Variants in ANK2 observed in about 807,000 individuals in gnomAD.
ANK2 encodes ankyrin-2.
Under a neutral mutation model 360.5 loss-of-function variants are expected in ANK2, and 83 were observed. The observed-to-expected ratio is 0.23, with a 90% CI of 0.19 to 0.28. The LOEUF (loss-of-function observed/expected upper bound fraction) is 0.28, where lower values mean the gene tolerates loss of function less well. Ranked by LOEUF, ANK2 falls within the 10% of genes least tolerant of loss-of-function variation. The pLI is 1.00. For synonymous variants in ANK2, 1,740 were observed against 1,759.5 expected, an observed-to-expected ratio of 0.99 and a Z score of 0.28; for missense variants, 4,201 against 4,795.7, an observed-to-expected ratio of 0.88 and a Z score of 3.66.
the ANK2 span, among the ~76,000 whole-genome samples, chr4:112,761,122 ATAAAG>A: frequency 1.6e-3 from 240 of 152,074 alleles, 1 homozygote; most frequent in African/African-American, 5.3e-3. Context: ...TTCCTTCTTT[ATAAAG>A]TAAACACGTG....
Position 113,367,990 on chromosome 4 carries a change from GA to G in ANK2, c.11318+148del, listed in dbSNP as rs370530823. On this transcript the variant is annotated intron_variant, in intron 42 of 45. Coordinates refer to ENST00000357077, the MANE Select transcript of ANK2 (RefSeq NM_001148.6). ...AAACACAAGTGCCAGAGCTAAAGGG[GA>G]AAAAAAAAGCGTTAACATGTAAGAG... 3.9e-3 allele frequency: 3,891 copies of G among 1,005,012 alleles called. 42 individuals carry two copies. Among genetic ancestry groups the G allele is most frequent in the African/African-American group, 0.033 (2,009 of 60,348 alleles). The allele number at this position is 1,005,012 out of a possible 1,614,324, so 62.3% of individuals were successfully genotyped here. A position where few individuals can be genotyped will look rare whatever the true frequency, so the allele number is the denominator to read the frequency against.
chr4:113,140,345 A>C (rs2096592329), intron 1 of ANK2, among the ~76,000 whole-genome samples: 1 of 152,224 alleles, frequency 6.6e-6, no homozygotes, highest in African/African-American at 2.4e-5. Context: ...TATAGCTGCC[A>C]TGATCAAAAA....
rs1299881678 is a variant in ANK2, at chr4:113,358,956, C to T, written c.10338C>T (p.Ser3446=). The T allele has an allele frequency of 1.2e-6, 2 of 1,613,996 alleles. No individual in the cohort carries two copies. The highest frequency in any genetic ancestry group is 1.1e-5 in the South Asian group (1 of 91,070). The part of the protein sequence containing the change: ...KILTSRLPVK[S]RSTTSSCRGG... ...TTACATCCCGATTGCCAGTTAAGAGCAGAAGCACTACATCTTCCTGCAGGG... is the reference window on the plus strand; with the variant it reads ...TTACATCCCGATTGCCAGTTAAGAGTAGAAGCACTACATCTTCCTGCAGGG... Residue 3446 remains serine, a synonymous_variant, in exon 38 of 46, where the codon AGC becomes AGT. Transcript: ENST00000357077.
At chr4:112,879,189 T>C (rs1484098324) in intron 1 of ANK2, among the ~76,000 whole-genome samples, 2 of 152,184 alleles carry the variant, frequency 1.3e-5, no homozygotes, top group Non-Finnish European at 2.9e-5. Context: ...TACATTATTC[T>C]CATGTGAGTC....
At chr4:112,766,244 C>T in the ANK2 span, among the ~76,000 whole-genome samples, 17 of 151,670 alleles carry the variant, frequency 1.1e-4, no homozygotes, top group Non-Finnish European at 2.4e-4. Flanking sequence ...AGGCTTGAAC[C>T]TGGGAGGCGG....
At chr4:112,995,990 A>C (rs1333194282) in intron 2 of ANK2, among the ~76,000 whole-genome samples, 1 of 152,238 alleles carries the variant, frequency 6.6e-6, no homozygotes, top group Non-Finnish European at 1.5e-5. Flanking sequence ...ACATAGAGAA[A>C]TAAAAGCATA....
intron 27 of ANK2, among the ~76,000 whole-genome samples, chr4:113,330,875 T>C (rs1341361000): frequency 6.6e-6 from 1 of 152,196 alleles, no homozygotes; most frequent in African/African-American, 2.4e-5. Context: ...ATCATTATCT[T>C]TACTTTGGAA....
At chr4:113,370,835 T>C (rs2096712832) in intron 43 of ANK2, among the ~76,000 whole-genome samples, 1 of 152,130 alleles carries the variant, frequency 6.6e-6, no homozygotes, top group Non-Finnish European at 1.5e-5. Flanking sequence ...TCAGAATTGA[T>C]TGGAGAGCTT....
At chr4:112,966,278 T>G (rs1307909205) in intron 2 of ANK2, among the ~76,000 whole-genome samples, 1 of 151,650 alleles carries the variant, frequency 6.6e-6, no homozygotes, top group Non-Finnish European at 1.5e-5. Context: ...ATTAAAAAAT[T>G]GAAATATACT....
At chr4:113,360,734 A>C (rs1230112489) in intron 38 of ANK2, 89 bp from the exon 39 acceptor site, 1 of 1,143,312 alleles carries the variant, frequency 8.7e-7, no homozygotes, top group Non-Finnish European at 1.3e-6. Context: ...TATTTGGAGA[A>C]GTGACTTCCT....
At chr4:113,096,347 T>C (rs2091017953) in intron 1 of ANK2, among the ~76,000 whole-genome samples, 1 of 152,162 alleles carries the variant, frequency 6.6e-6, no homozygotes, top group Non-Finnish European at 1.5e-5. Flanking sequence ...TAGTAGTTCA[T>C]TTCTCTCCCA....
At position 112,976,198 on chromosome 4, in the gene ANK2, A is replaced by ATT. The variant is rs568340736; in HGVS notation, c.21+71697_21+71698dup. Among the ~76,000 whole-genome samples the ATT allele has an allele frequency of 3.1e-3, 450 of 144,460 alleles. 4 individuals carry two copies. Among genetic ancestry groups the ATT allele is most frequent in the African/African-American group, 0.011 (427 of 39,442 alleles). The allele number at this position is 144,460 out of a possible 152,430, so 94.8% of individuals were successfully genotyped here. ...AGCCCTAGGTATTACTGGCTGTGGA[A>ATT]TTTTTTTTTTTTTTGGACAAAATCT... On this transcript the variant is annotated intron_variant, in intron 2 of 30. Transcript: ENST00000503271.
chr4:112,826,951 C>G (rs2058544259), intron 1 of ANK2: 1 of 1,536,962 alleles, frequency 6.5e-7, no homozygotes, highest in Admixed American at 1.7e-5. Context: ...TTGGTTGGCA[C>G]ACTCATTCAG....
At chr4:113,221,125 C>A (rs1240709572) in intron 4 of ANK2, among the ~76,000 whole-genome samples, 2 of 152,142 alleles carry the variant, frequency 1.3e-5, no homozygotes, top group East Asian at 3.8e-4. Context: ...TGGAGCCAGG[C>A]ATTGACTCGT....
At chr4:112,957,190 C>T (rs566207263) in intron 2 of ANK2, among the ~76,000 whole-genome samples, 1 of 151,454 alleles carries the variant, frequency 6.6e-6, no homozygotes, top group East Asian at 2.0e-4. Context: ...TCCCTGGGTA[C>T]TTGAGATTAG....
chr4:113,045,581 G>A (rs1478103192), upstream of ANK2, among the ~76,000 whole-genome samples: 1 of 152,168 alleles, frequency 6.6e-6, no homozygotes, highest in Non-Finnish European at 1.5e-5. Flanking sequence ...AAGTCACTTA[G>A]TATTTATTGA....
rs190952924 is a variant in ANK2, at chr4:112,848,301, A to G, written c.-40+30037A>G. Among the ~76,000 whole-genome samples, 619 of 152,212 alleles carry G rather than the reference A, an allele frequency of 4.1e-3. 8 individuals are homozygous for G. The highest frequency in any genetic ancestry group is 6.2e-3 in the South Asian group (30 of 4,814). On this transcript the variant is annotated intron_variant, in intron 1 of 30. Transcript: ENST00000503271. ...CAGCTTCCCAAGTAGCTGGGATTAC[A>G]GGTGCACACCACCAAGCCCAGCTAA...
At chr4:113,261,702 G>A (rs2053017112) in intron 13 of ANK2, among the ~76,000 whole-genome samples, 1 of 152,082 alleles carries the variant, frequency 6.6e-6, no homozygotes, top group African/African-American at 2.4e-5. Context: ...CCATGTGTGT[G>A]TTTATACATA....
At chr4:112,872,992 C>T (rs1039478065) in intron 1 of ANK2, among the ~76,000 whole-genome samples, 1 of 151,938 alleles carries the variant, frequency 6.6e-6, no homozygotes. Context: ...TGAGTTATCT[C>T]ATTTGTTGGA....
Sources: gnomAD v4.1 joint callset for allele counts (sites outside exome capture counted in the v4.1 genomes callset) on GRCh38, gnomAD v4.1.1 for gene constraint, MANE v1.5 for transcripts, NCBI Gene and HGNC (gene_info 2026-07-23, HGNC 2026-07-21) for gene names.